Variants in DKK2 observed in about 807,000 individuals in gnomAD.
DKK2 encodes the protein dickkopf-related protein 2.
Under a neutral mutation model 28.1 loss-of-function variants are expected in DKK2, and 11 were observed. That is an observed-to-expected ratio of 0.39 (90% confidence interval 0.25 to 0.65). The LOEUF (loss-of-function observed/expected upper bound fraction) is 0.65. DKK2 is among the 30% of genes least tolerant of loss of function. The probability of loss-of-function intolerance (pLI) is 0.47; values close to 1 mark genes in which losing one functional copy is unlikely to be tolerated. For missense variants in DKK2, 326 were observed against 335.5 expected, an observed-to-expected ratio of 0.97 and a Z score of 0.22; for synonymous variants, 135 against 126.5, an observed-to-expected ratio of 1.07 and a Z score of -0.45.
At chr4:106,985,861 A>T (rs1723112617) in intron 1 of DKK2, among the ~76,000 whole-genome samples, 1 of 151,774 alleles carries the variant, frequency 6.6e-6, no homozygotes, top group East Asian at 1.9e-4. Context: ...AAGAAAAAAA[A>T]TAAGACAGGA....
chr4:106,984,546 A>G (rs902492959), intron 1 of DKK2, among the ~76,000 whole-genome samples: 8 of 152,144 alleles, frequency 5.3e-5, no homozygotes, highest in African/African-American at 1.7e-4. Context: ...ATAATCTTAT[A>G]TTGTATGTAT....
chr4:106,949,857 A>C (rs1238357575), intron 1 of DKK2, among the ~76,000 whole-genome samples: 2 of 152,162 alleles, frequency 1.3e-5, no homozygotes, highest in African/African-American at 2.4e-5. Context: ...GGACCAAACC[A>C]AACACCTAGA....
chr4:106,934,293 A>C (rs1724546958), intron 1 of DKK2, among the ~76,000 whole-genome samples: 1 of 152,202 alleles, frequency 6.6e-6, no homozygotes, highest in Non-Finnish European at 1.5e-5. Context: ...TTTAAAGAGG[A>C]GCTAATACTA....
intron 1 of DKK2, among the ~76,000 whole-genome samples, chr4:107,021,770 T>C (rs889205975): frequency 1.3e-5 from 2 of 152,070 alleles, no homozygotes. Flanking sequence ...AAATCAAACT[T>C]CAATTTCTCC....
chr4:106,958,837 C>CAA (rs767389620), intron 1 of DKK2, among the ~76,000 whole-genome samples: 16 of 67,034 alleles, frequency 2.4e-4, no homozygotes, highest in East Asian at 5.0e-4. Context: ...AACTCAATCT[C>CAA]AAAAAAAAAA....
intron 1 of DKK2, among the ~76,000 whole-genome samples, chr4:107,019,460 G>C (rs1560593162): frequency 6.6e-6 from 1 of 151,870 alleles, no homozygotes; most frequent in Non-Finnish European, 1.5e-5. Flanking sequence ...CAGGGTTTAG[G>C]GAAGGTTAAG....
chr4:107,030,223 T>C (rs1723855983), intron 1 of DKK2, among the ~76,000 whole-genome samples: 1 of 152,134 alleles, frequency 6.6e-6, no homozygotes, highest in South Asian at 2.1e-4. Context: ...TTTGAAAGAA[T>C]GCTTTATGTT....
intron 1 of DKK2, among the ~76,000 whole-genome samples, chr4:107,032,583 G>A (rs955058822): frequency 2.6e-5 from 4 of 152,008 alleles, no homozygotes; most frequent in African/African-American, 9.7e-5. Context: ...ATTAAAATAG[G>A]CTATTTTCAA....
Position 107,035,557 on chromosome 4 carries a change from C to T in DKK2, c.35G>A (p.Cys12Tyr), listed in dbSNP as rs1160624661. Residue 12 changes from cysteine (C) to tyrosine (Y), a missense_variant, in exon 1 of 4, where the codon TGC becomes TAC. Coordinates refer to ENST00000285311, the MANE Select transcript of DKK2 (RefSeq NM_014421.3). ...CACCGCGGCCAGTAGGAGCAGGCAG[C>T]AGGACGAATCCTTGCTCCGCATCAA... ...AALMRSKDSS[C>Y]CLLLLAAVLM... 4 of 1,614,052 alleles carry T rather than the reference C, an allele frequency of 2.5e-6. No homozygotes were observed. The Admixed American group carries it at 5.0e-5, about 20-fold the overall frequency.
At chr4:107,010,625 T>C (rs546033398) in intron 1 of DKK2, among the ~76,000 whole-genome samples, 10 of 151,610 alleles carry the variant, frequency 6.6e-5, no homozygotes, top group Admixed American at 5.3e-4. Context: ...AGGGATCGAG[T>C]TGCCTTCCTT....
At chr4:107,035,060 C>T (rs1384654654) in intron 1 of DKK2, among the ~76,000 whole-genome samples, 1 of 152,190 alleles carries the variant, frequency 6.6e-6, no homozygotes, top group Non-Finnish European at 1.5e-5. Flanking sequence ...AGTTGCATCA[C>T]AGTGTTAAAT....
In DKK2 at chr4:106,974,774, C is replaced by G. The variant is rs189060304; in HGVS notation, c.223-48825G>C. On this transcript the variant is annotated intron_variant, in intron 1 of 3. Coordinates refer to ENST00000285311, the MANE Select transcript of DKK2 (RefSeq NM_014421.3). ...ATTGCCCTGGCCTGAACTTTCAATACTATGTTGACTAGGAGTGGTGAGAGA... is the reference window on the plus strand; with the variant it reads ...ATTGCCCTGGCCTGAACTTTCAATAGTATGTTGACTAGGAGTGGTGAGAGA... Among the ~76,000 whole-genome samples the G allele has an allele frequency of 2.5e-3, 382 of 152,214 alleles. 3 individuals carry two copies. Among genetic ancestry groups the G allele is most frequent in the African/African-American group, 8.9e-3 (371 of 41,534 alleles).
rs537562960 is a variant in DKK2, at chr4:107,024,025, G to T, written c.222+11345C>A. Among the ~76,000 whole-genome samples the T allele has an allele frequency of 5.9e-5, 9 of 152,088 alleles. No homozygotes were observed. The East Asian group carries it at 9.7e-4, about 16-fold the overall frequency. The stretch of plus-strand genomic sequence containing the variant: ...AAACACTCACTTTCTTCTTTAAAAA[G>T]TTTTTGACAAAATATATATCCTTTG... On this transcript the variant is annotated intron_variant, in intron 1 of 3. Coordinates refer to ENST00000285311, the MANE Select transcript of DKK2 (RefSeq NM_014421.3).
chr4:106,925,732 G>A, intron 2 of DKK2, 67 bp downstream of exon 2: 2 of 1,529,510 alleles, frequency 1.3e-6, no homozygotes, highest in Non-Finnish European at 1.8e-6. Flanking sequence ...ACGATAGCCT[G>A]ACTTGAGAGA....
At chr4:106,937,687 C>G (rs1470552112) in intron 1 of DKK2, among the ~76,000 whole-genome samples, 2 of 146,416 alleles carry the variant, frequency 1.4e-5, no homozygotes, top group East Asian at 4.2e-4. Context: ...CCACACCACA[C>G]CTATTCCAAA....
intron 1 of DKK2, among the ~76,000 whole-genome samples, chr4:106,968,113 A>T (rs1475920586): frequency 6.7e-6 from 1 of 148,654 alleles, no homozygotes; most frequent in Non-Finnish European, 1.5e-5. Flanking sequence ...AGGTGGAGAA[A>T]AGAGAGGGAA....
chr4:106,991,997 G>A (rs777639082), intron 1 of DKK2, among the ~76,000 whole-genome samples: 13 of 152,030 alleles, frequency 8.6e-5, no homozygotes, highest in East Asian at 1.9e-4. Flanking sequence ...ATAATCCCAC[G>A]AATCCAGAAA....
At chr4:106,983,349 A>AAAGG (rs1723060996) in intron 1 of DKK2, among the ~76,000 whole-genome samples, 1 of 139,438 alleles carries the variant, frequency 7.2e-6, no homozygotes. Context: ...AGAAAGAAAG[A>AAAGG]AAGAAAGAAA....
At position 107,004,128 on chromosome 4, in the gene DKK2, C is replaced by A. The variant is rs1723402941; in HGVS notation, c.222+31242G>T. Among the ~76,000 whole-genome samples, 3 of 152,220 alleles carry A rather than the reference C, an allele frequency of 2.0e-5. No individual in the cohort carries two copies. The South Asian group carries it at 6.2e-4, about 32-fold the overall frequency. Reference sequence around the variant, plus strand: ...AGGGAACAATTTAAATTAAGCCCACCATTCCAGACCACATAAGCAGAGTCA... The same window carrying A: ...AGGGAACAATTTAAATTAAGCCCACAATTCCAGACCACATAAGCAGAGTCA... On this transcript the variant is annotated intron_variant, in intron 1 of 3. Transcript: ENST00000285311.
Sources: allele counts gnomAD v4.1 joint callset (sites outside exome capture counted in the v4.1 genomes callset), GRCh38; gene constraint gnomAD v4.1.1; transcripts MANE v1.5; gene names NCBI Gene and HGNC (gene_info 2026-07-23, HGNC 2026-07-21).